The following VPS13B variants were observed in gnomAD, a reference collection of about 807,000 sequenced individuals.
The protein encoded by VPS13B is vacuolar protein sorting 13 homolog B, also known as intermembrane lipid transfer protein VPS13B.
VPS13B carries 285 observed loss-of-function variants against 426.4 expected under a neutral mutation model. The ratio of observed to expected loss-of-function variants is 0.67; its 90% CI spans 0.61 to 0.74. VPS13B has a LOEUF of 0.74. Among genes scored for constraint, VPS13B ranks in the 30% least tolerant of loss-of-function variants. The pLI is 0.00. For synonymous variants in VPS13B, 1,676 were observed against 1,676.4 expected, an observed-to-expected ratio of 1.00 and a Z score of 0.01; for missense variants, 4,537 against 4,782.6, an observed-to-expected ratio of 0.95 and a Z score of 1.51.
intron 3 of VPS13B, among the ~76,000 whole-genome samples, chr8:99,044,088 T>C (rs1204990030): frequency 1.2e-3 from 171 of 137,418 alleles, no homozygotes; most frequent in East Asian, 4.1e-3. Flanking sequence ...TTCTTTCTTT[T>C]TTTTTTTTTT....
chr8:99,060,819 A>AT (rs1034650272), intron 3 of VPS13B, among the ~76,000 whole-genome samples: 16 of 151,114 alleles, frequency 1.1e-4, no homozygotes, highest in Non-Finnish European at 1.6e-4. Context: ...AATTGGGAAG[A>AT]TTTTTTTTTC....
At chr8:99,388,828 G>A (rs1814268452) in intron 20 of VPS13B, among the ~76,000 whole-genome samples, 1 of 152,154 alleles carries the variant, frequency 6.6e-6, no homozygotes, top group Non-Finnish European at 1.5e-5. Flanking sequence ...GTTTGGCCTT[G>A]GCCTTTTAAT....
intron 33 of VPS13B, among the ~76,000 whole-genome samples, chr8:99,634,995 G>A (rs755748434): frequency 1.3e-5 from 2 of 151,904 alleles, no homozygotes; most frequent in Non-Finnish European, 2.9e-5. Context: ...AGCTTCCAGT[G>A]TAGATTATCT....
At chr8:99,419,734 A>C (rs1362124434) in intron 21 of VPS13B, among the ~76,000 whole-genome samples, 4 of 152,194 alleles carry the variant, frequency 2.6e-5, no homozygotes, top group Non-Finnish European at 5.9e-5. Flanking sequence ...TACCTTACAC[A>C]AAGGTGATAC....
intron 15 of VPS13B, among the ~76,000 whole-genome samples, chr8:99,160,914 T>TG (rs1032909173): frequency 6.6e-6 from 1 of 152,200 alleles, no homozygotes; most frequent in African/African-American, 2.4e-5. Flanking sequence ...CATGTTTTCT[T>TG]GGTTGTTTTT....
At chr8:99,523,501 C>G (rs1353624025) in intron 30 of VPS13B, among the ~76,000 whole-genome samples, 1 of 152,192 alleles carries the variant, frequency 6.6e-6, no homozygotes, top group African/African-American at 2.4e-5. Flanking sequence ...ACACCCACAC[C>G]CCTTCCACAG....
chr8:99,048,688 G>A (rs1296975450), intron 3 of VPS13B, among the ~76,000 whole-genome samples: 2 of 151,944 alleles, frequency 1.3e-5, no homozygotes, highest in South Asian at 2.1e-4. Context: ...GGTAGCGAGC[G>A]CCTGTAATCC....
intron 19 of VPS13B, among the ~76,000 whole-genome samples, chr8:99,316,116 G>T (rs1281170969): frequency 1.3e-5 from 2 of 152,214 alleles, no homozygotes; most frequent in South Asian, 4.1e-4. Context: ...GTTGCTTTCA[G>T]TGTCAGTGGT....
intron 3 of VPS13B, among the ~76,000 whole-genome samples, chr8:99,084,446 T>C (rs879588246): frequency 6.6e-6 from 1 of 152,066 alleles, no homozygotes; most frequent in Non-Finnish European, 1.5e-5. Context: ...TTTGTGTCTC[T>C]GTTTCCTTCA....
chr8:99,039,277 A>T (rs1842873015), intron 3 of VPS13B, among the ~76,000 whole-genome samples: 1 of 152,206 alleles, frequency 6.6e-6, no homozygotes, highest in South Asian at 2.1e-4. Context: ...AGATGAAAAT[A>T]TATTTACACC....
At chr8:99,774,379 C>G (rs1032408681) in intron 40 of VPS13B, among the ~76,000 whole-genome samples, 8 of 152,082 alleles carry the variant, frequency 5.3e-5, no homozygotes, top group African/African-American at 1.9e-4. Flanking sequence ...AAAAATATGT[C>G]TAACCATTGC....
intron 4 of VPS13B, among the ~76,000 whole-genome samples, chr8:99,098,932 T>C (rs1426329256): frequency 6.6e-6 from 1 of 152,130 alleles, no homozygotes; most frequent in Non-Finnish European, 1.5e-5. Context: ...GTCGCTTCTT[T>C]TGGAGTTTCT....
intron 21 of VPS13B, among the ~76,000 whole-genome samples, chr8:99,426,001 G>A (rs75101927): frequency 1.5e-4 from 22 of 150,934 alleles, no homozygotes; most frequent in African/African-American, 2.7e-4. Flanking sequence ...ATGCTGGTGC[G>A]CTGCACCCAC....
At chr8:99,766,720 T>C in intron 39 of VPS13B, 54 bp from the exon 40 acceptor site, 1 of 1,460,046 alleles carries the variant, frequency 6.8e-7, no homozygotes, top group Admixed American at 1.9e-5. Context: ...TTTCAACAAA[T>C]ATAAAAGCAT....
At chr8:99,750,463 CT>C (rs1278907485) in intron 39 of VPS13B, among the ~76,000 whole-genome samples, 1 of 152,016 alleles carries the variant, frequency 6.6e-6, no homozygotes, top group Non-Finnish European at 1.5e-5. Flanking sequence ...TAACATAGTA[CT>C]TAGTGAGTGT....
At chr8:99,735,971 C>T (rs941514491) in intron 39 of VPS13B, among the ~76,000 whole-genome samples, 2 of 152,182 alleles carry the variant, frequency 1.3e-5, no homozygotes, top group Non-Finnish European at 2.9e-5. Context: ...GTTCTCTGCG[C>T]TTGGGTCGCA....
At chr8:99,400,499 G>A (rs1261210116) in intron 21 of VPS13B, among the ~76,000 whole-genome samples, 2 of 152,128 alleles carry the variant, frequency 1.3e-5, no homozygotes, top group African/African-American at 4.8e-5. Context: ...TTTTGAGCAA[G>A]CATCCATAGT....
At chr8:99,294,861 C>T (rs928346961) in intron 19 of VPS13B, among the ~76,000 whole-genome samples, 4 of 152,098 alleles carry the variant, frequency 2.6e-5, no homozygotes, top group African/African-American at 9.7e-5. Flanking sequence ...GCTGTTCTCA[C>T]AAATTGGTGT....
intron 19 of VPS13B, among the ~76,000 whole-genome samples, chr8:99,381,223 AAGG>A (rs1376189113): frequency 6.6e-6 from 1 of 152,212 alleles, no homozygotes; most frequent in East Asian, 1.9e-4. Flanking sequence ...TGTTCCTGCA[AAGG>A]ACATGATCTT....
Sources: allele counts gnomAD v4.1 joint callset (sites outside exome capture counted in the v4.1 genomes callset), GRCh38; gene constraint gnomAD v4.1.1; transcripts MANE v1.5; gene names NCBI Gene and HGNC (gene_info 2026-07-23, HGNC 2026-07-21).